The following NRXN1 variants were observed in gnomAD, a reference collection of about 807,000 sequenced individuals.
The protein encoded by NRXN1 is neurexin-1.
In NRXN1, 39 loss-of-function variants were observed where a neutral mutation model predicts 150.9. The ratio of observed to expected loss-of-function variants is 0.26; its 90% CI spans 0.20 to 0.34. The LOEUF (loss-of-function observed/expected upper bound fraction) is 0.34. Among genes scored for constraint, NRXN1 ranks in the 10% least tolerant of loss-of-function variants. The pLI is 1.00. For missense variants in NRXN1, 1,815 were observed against 1,949.9 expected, an observed-to-expected ratio of 0.93 and a Z score of 1.30; for synonymous variants, 924 against 757.0, an observed-to-expected ratio of 1.22 and a Z score of -3.62.
chr2:50,795,214 T>A lies in NRXN1; in HGVS notation c.832+126655A>T, dbSNP rs1706636166. Among the ~76,000 whole-genome samples, 7 of 152,034 alleles carry A rather than the reference T, an allele frequency of 4.6e-5. No individual in the cohort carries two copies. In the South Asian group the frequency reaches 1.4e-3, roughly 31 times the overall value. The stretch of plus-strand genomic sequence containing the variant: ...ATGTAGATAAGATTTACCTGGAGGG[T>A]TTGGTAAGTAGGTTTGGAGAGCCCC... On this transcript the variant is annotated intron_variant, in intron 5 of 22. Transcript: ENST00000401669.
chr2:50,581,558 TAAAC>T (rs779628546), intron 8 of NRXN1, among the ~76,000 whole-genome samples: 1 of 152,220 alleles, frequency 6.6e-6, no homozygotes, highest in Non-Finnish European at 1.5e-5. Flanking sequence ...GCTGAGTTCT[TAAAC>T]AAGAGTTTTC....
At chr2:50,076,204 C>G (rs1697079837) in intron 19 of NRXN1, among the ~76,000 whole-genome samples, 1 of 152,056 alleles carries the variant, frequency 6.6e-6, no homozygotes, top group Non-Finnish European at 1.5e-5. Context: ...CTGCCAGGGT[C>G]AGGAGGAACA....
At chr2:50,797,798 C>A (rs752469491) in intron 5 of NRXN1, among the ~76,000 whole-genome samples, 27 of 152,110 alleles carry the variant, frequency 1.8e-4, no homozygotes, top group Non-Finnish European at 2.1e-4. Flanking sequence ...TAAATGTTAG[C>A]TTCCCATTAG....
chr2:49,945,927 G>T (rs2104403652), intron 21 of NRXN1, among the ~76,000 whole-genome samples: 1 of 152,172 alleles, frequency 6.6e-6, no homozygotes, highest in South Asian at 2.1e-4. Context: ...TGGGTCAAAT[G>T]GTATTTCTGG....
At chr2:50,031,507 TG>T (rs142218804) in intron 21 of NRXN1, among the ~76,000 whole-genome samples, 4,858 of 152,182 alleles carry the variant, frequency 0.032, 256 homozygotes, top group African/African-American at 0.11. Flanking sequence ...CTTTTTCCAG[TG>T]TAAAGTACAG....
At chr2:50,216,669 A>G (rs2063423188) in intron 18 of NRXN1, among the ~76,000 whole-genome samples, 1 of 151,942 alleles carries the variant, frequency 6.6e-6, no homozygotes. Context: ...TGCTTTATTG[A>G]GCTTAGAAAG....
intron 5 of NRXN1, among the ~76,000 whole-genome samples, chr2:50,695,287 G>A (rs1559135047): frequency 6.6e-6 from 1 of 152,152 alleles, no homozygotes; most frequent in Non-Finnish European, 1.5e-5. Flanking sequence ...GTGAGGATTA[G>A]ATTGTCAAAT....
intron 18 of NRXN1, among the ~76,000 whole-genome samples, chr2:50,120,306 T>C (rs1341870209): frequency 1.3e-5 from 2 of 151,952 alleles, no homozygotes; most frequent in African/African-American, 2.4e-5. Context: ...AAGGACTAAG[T>C]TCCAAATACA....
At chr2:50,239,923 A>G (rs1234218678) in intron 17 of NRXN1, among the ~76,000 whole-genome samples, 1 of 151,086 alleles carries the variant, frequency 6.6e-6, no homozygotes, top group Non-Finnish European at 1.5e-5. Flanking sequence ...AAAATGACAG[A>G]ACATTTAATA....
At chr2:50,220,373 T>G (rs1030891996) in intron 18 of NRXN1, among the ~76,000 whole-genome samples, 1 of 151,784 alleles carries the variant, frequency 6.6e-6, no homozygotes, top group Non-Finnish European at 1.5e-5. Context: ...TTAAAACAGA[T>G]CCTAGTTGAT....
chr2:50,764,014 G>A (rs1298337598), intron 5 of NRXN1, among the ~76,000 whole-genome samples: 2 of 146,834 alleles, frequency 1.4e-5, no homozygotes, highest in South Asian at 2.2e-4. Flanking sequence ...TGACACATCC[G>A]TTGGCCCTTT....
intron 17 of NRXN1, among the ~76,000 whole-genome samples, chr2:50,421,837 A>AT (rs1468288488): frequency 2.0e-5 from 3 of 151,990 alleles, no homozygotes; most frequent in Non-Finnish European, 2.9e-5. Context: ...CTGTTTTCCT[A>AT]TTTTTTTCTC....
At chr2:50,372,403 C>A (rs1303909289) in intron 17 of NRXN1, among the ~76,000 whole-genome samples, 1 of 151,958 alleles carries the variant, frequency 6.6e-6, no homozygotes, top group Non-Finnish European at 1.5e-5. Context: ...AAATAATATG[C>A]AGCTGGCCAT....
intron 5 of NRXN1, among the ~76,000 whole-genome samples, chr2:50,704,958 T>A (rs542138531): frequency 6.6e-6 from 1 of 152,022 alleles, no homozygotes; most frequent in Non-Finnish European, 1.5e-5. Context: ...AATAAACTGA[T>A]CTTTCAAGAA....
chr2:49,973,358 C>T (rs976452943), intron 21 of NRXN1, among the ~76,000 whole-genome samples: 1 of 152,074 alleles, frequency 6.6e-6, no homozygotes, highest in Non-Finnish European at 1.5e-5. Flanking sequence ...GAAATATTTA[C>T]ATTAATCAGG....
chr2:51,000,398 C>T (rs896557780), intron 2 of NRXN1, among the ~76,000 whole-genome samples: 2 of 151,956 alleles, frequency 1.3e-5, no homozygotes, highest in African/African-American at 4.8e-5. Flanking sequence ...TATATCCATA[C>T]AAACAGGGCT....
chr2:50,821,500 C>T (rs1669710957), intron 5 of NRXN1, among the ~76,000 whole-genome samples: 1 of 152,106 alleles, frequency 6.6e-6, no homozygotes, highest in Admixed American at 6.5e-5. Flanking sequence ...ATATATCCTT[C>T]ATAAGACTGT....
chr2:50,006,468 T>TATC (rs1558678264), intron 21 of NRXN1, among the ~76,000 whole-genome samples: 21 of 152,018 alleles, frequency 1.4e-4, no homozygotes, highest in Admixed American at 1.3e-3. Flanking sequence ...TGCCCACCAT[T>TATC]TGCCTTTGCA....
chr2:50,415,691 T>C (rs1454540461), intron 17 of NRXN1, among the ~76,000 whole-genome samples: 1 of 152,042 alleles, frequency 6.6e-6, no homozygotes, highest in African/African-American at 2.4e-5. Context: ...TGCACAAGTC[T>C]CTCTAACTGT....
Sources: allele counts gnomAD v4.1 joint callset (sites outside exome capture counted in the v4.1 genomes callset), GRCh38; gene constraint gnomAD v4.1.1; transcripts MANE v1.5; gene names NCBI Gene and HGNC (gene_info 2026-07-23, HGNC 2026-07-21).